DUOX2: variants seen among roughly 807,000 people sequenced by gnomAD.
The protein encoded by DUOX2 is NADH/NADPH thyroid oxidase p138-tox.
In DUOX2, 185 loss-of-function variants were observed where a neutral mutation model predicts 183.3. That is an observed-to-expected ratio of 1.01 (90% CI 0.90 to 1.14). DUOX2 has a LOEUF of 1.14. Ranked by LOEUF, DUOX2 falls within the 50% of genes most tolerant of loss-of-function variation. DUOX2 has a pLI of 0.00. For missense variants in DUOX2, 1,999 were observed against 2,022.9 expected, an observed-to-expected ratio of 0.99 and a Z score of 0.23; for synonymous variants, 788 against 812.4, an observed-to-expected ratio of 0.97 and a Z score of 0.51.
intron 29 of DUOX2, 124 bp downstream of exon 29, chr15:45,097,114 T>G: frequency 6.9e-7 from 1 of 1,456,748 alleles, no homozygotes; most frequent in East Asian, 2.3e-5. Context: ...GGTTTTTTGT[T>G]GTTGTTGTTT....
chr15:45,101,809 T>A lies in DUOX2; in HGVS notation c.2835A>T (p.Gly945=). The A allele has an allele frequency of 6.2e-7, 1 of 1,614,082 alleles. No homozygotes were observed. The highest frequency in any genetic ancestry group is 8.5e-7 in the Non-Finnish European group (1 of 1,180,004). ...CACACTCACCATTTCCACCTCCACC[T>A]CCACCTTTGACACAGAGCTGCGTGA... ...LRFTQLCVKG[G]GGGGNGIRDI... The change falls in exon 21 of 34, where the codon GGA becomes GGT. Residue 945 remains glycine, a synonymous_variant. Coordinates refer to ENST00000389039, the MANE Select transcript of DUOX2 (RefSeq NM_001363711.2).
chr15:45,111,919 G>T lies in DUOX2; in HGVS notation c.362C>A (p.Thr121Lys), dbSNP rs1430809770. 6.2e-7 allele frequency: 1 copy of T among 1,613,762 alleles called. No individual in the cohort carries two copies. The highest frequency in any genetic ancestry group is 2.2e-5 in the East Asian group (1 of 44,878). The change falls in exon 5 of 34, where the codon ACG (threonine) becomes AAG (lysine). Residue 121 changes from threonine to lysine, a missense_variant. Around this residue, in one of 3 missense-constraint regions of DUOX2, gnomAD observed 356 missense variants for 356.4 expected, o/e 1.00. Coordinates refer to ENST00000389039, the MANE Select transcript of DUOX2 (RefSeq NM_001363711.2). ...HVLSDVVSVE[T>K]PGCPAEFLNI... The stretch of plus-strand genomic sequence containing the variant: ...GAGGAACTCGGCGGGGCAACCGGGC[G>T]TTTCCACGCTCACCACGTCGGAAAG...
chr15:45,110,108 G>A (rs1178445504), intron 9 of DUOX2, 128 bp from the exon 10 acceptor site: 32 of 876,526 alleles, frequency 3.7e-5, no homozygotes, highest in Non-Finnish European at 5.9e-5. Flanking sequence ...CCTTGAACAC[G>A]GCAGAGATTT....
At chr15:45,112,781 T>A in intron 3 of DUOX2, 63 bp from the exon 4 acceptor site, 1 of 1,603,092 alleles carries the variant, frequency 6.2e-7, no homozygotes, top group South Asian at 1.1e-5. Context: ...CCCAAACCTC[T>A]CCCTAAGCCT....
Position 45,097,448 on chromosome 15 carries a change from C to T in DUOX2, c.3694-57G>A, listed in dbSNP as rs1893935642. ...CCCAGCCAGGCCCCTGCCCGGCATC[C>T]CCTCTTGCCCAGGCACTAGGCCTGT... On this transcript the variant is annotated intron_variant, in intron 28 of 33. Coordinates refer to ENST00000389039, the MANE Select transcript of DUOX2 (RefSeq NM_001363711.2). 1.9e-6 allele frequency: 3 copies of T among 1,613,704 alleles called. No homozygotes were observed. The South Asian group carries it at 3.3e-5, about 18-fold the overall frequency.
In DUOX2 at chr15:45,094,269, G is replaced by C; in HGVS notation, c.4528C>G (p.Arg1510Gly). The C allele has an allele frequency of 1.2e-6, 2 of 1,614,128 alleles. No individual in the cohort carries two copies. The highest frequency in any genetic ancestry group is 1.7e-6 in the Non-Finnish European group (2 of 1,180,024). Residue 1510 changes from arginine to glycine, a missense_variant, in exon 34 of 34, where the codon CGC becomes GGC. Around this residue, in one of 3 missense-constraint regions of DUOX2, gnomAD observed 1,628 missense variants for 1,608.6 expected, o/e 1.01. Coordinates refer to ENST00000389039, the MANE Select transcript of DUOX2 (RefSeq NM_001363711.2). ...NSLQEVHPQV[R>G]KIGVFSCGPP... ...CCGCAGCTGAACACCCCGATCTTGC[G>C]CACCTGTCAGGAGATTGGAGAGAGA...
chr15:45,099,183 T>C, intron 26 of DUOX2, 200 bp downstream of exon 26: 1 of 466,470 alleles, frequency 2.1e-6, no homozygotes, highest in East Asian at 4.3e-5. Flanking sequence ...GCTAATTTTT[T>C]GTATTTTTAG....
rs1205262474 is a variant in DUOX2, at chr15:45,111,422, T to G, written c.677A>C (p.Asp226Ala). ...GGGCCCGTTCTGCCCGGTGGCGGGG[T>G]CGGGCGCCGCCCACATGAGCAGGGG... ...QNPLLMWAAP[D>A]PATGQNGPRG... The change falls in exon 6 of 34, where the codon GAC (aspartate) becomes GCC (alanine). Residue 226 changes from aspartate to alanine, a missense_variant. Coordinates refer to ENST00000389039, the MANE Select transcript of DUOX2 (RefSeq NM_001363711.2). 2.0e-6 allele frequency: 3 copies of G among 1,501,466 alleles called. No homozygotes were observed. In the African/African-American group the frequency reaches 4.3e-5, roughly 21 times the overall value. The allele number at this position is 1,501,466 out of a possible 1,614,324, so 93.0% of individuals were successfully genotyped here. A position where few individuals can be genotyped will look rare whatever the true frequency, so the allele number is the denominator to read the frequency against.
At chr15:45,102,558 G>C (rs1381570159) in intron 20 of DUOX2, among the ~76,000 whole-genome samples, 1 of 152,200 alleles carries the variant, frequency 6.6e-6, no homozygotes, top group African/African-American at 2.4e-5. Context: ...GACAGACTAT[G>C]CAAGTTTGTG....
At position 45,096,057 on chromosome 15, in the gene DUOX2, AC is replaced by A; in HGVS notation, c.3850del (p.Val1284Ter). ...VVKAELLPSG[V>X]TYLQFQRPQG... ...GGGCCTCTGGAATTGCAGGTAGGTC[AC>A]TCCTGGAGGTCATAGACAGGGAAAA... is the stretch of plus-strand genomic sequence containing the variant. On this transcript the variant is annotated frameshift_variant and splice_region_variant, in exon 30 of 34. Transcript: ENST00000389039. LOFTEE classifies it high-confidence loss of function. 6.2e-7 allele frequency: 1 copy of A among 1,613,074 alleles called. No individual in the cohort carries two copies. The highest frequency in any genetic ancestry group is 8.5e-7 in the Non-Finnish European group (1 of 1,179,468).
At chr15:45,101,319 A>G in intron 21 of DUOX2, 45 bp from the exon 22 acceptor site, 10 of 1,540,556 alleles carry the variant, frequency 6.5e-6, no homozygotes, top group Non-Finnish European at 8.1e-6. Flanking sequence ...CCACAAGGGC[A>G]GTGGGGTAGG....
In DUOX2 at chr15:45,095,603, G is replaced by A. The variant is rs757616625; in HGVS notation, c.4081-8C>T. ...CGGTCCATCAAGGTACAGCTGCCAA[G>A]AGAGGGGGGAGATGAAATGAGCCTG... On this transcript the variant is annotated splice_region_variant and splice_polypyrimidine_tract_variant and intron_variant, in intron 30 of 33. Transcript: ENST00000389039. The A allele has an allele frequency of 1.7e-5, 28 of 1,614,102 alleles. No homozygotes were observed. Among genetic ancestry groups the A allele is most frequent in the Non-Finnish European group, 2.3e-5 (27 of 1,180,040 alleles).
At chr15:45,097,476 C>A (rs566008009) in intron 28 of DUOX2, 85 bp from the exon 29 acceptor site, 3 of 1,612,672 alleles carry the variant, frequency 1.9e-6, no homozygotes, top group East Asian at 2.2e-5. Flanking sequence ...AGGCCTGTGC[C>A]GGGGAGATAG....
In DUOX2 at chr15:45,093,298, A is replaced by T. The variant is rs4775744; in HGVS notation, c.*852T>A. On this transcript the variant is annotated 3_prime_UTR_variant, in exon 34 of 34. Coordinates refer to ENST00000389039, the MANE Select transcript of DUOX2 (RefSeq NM_001363711.2). ...TGGAAGAGGGGAATTGAGATCGAGT[A>T]CTGAATATCTGGCAGAGAGGCTGGA... 34,009 of 152,118 alleles carry T rather than the reference A, an allele frequency of 0.22. 7,464 individuals carry two copies. Among genetic ancestry groups the T allele is most frequent in the African/African-American group, 0.57 (23,722 of 41,404 alleles). 9.4% of individuals were successfully genotyped at this position (152,118 alleles called of 1,614,324 possible). A position where few individuals can be genotyped will look rare whatever the true frequency, so the allele number is the denominator to read the frequency against.
At chr15:45,108,280 G>C in intron 12 of DUOX2, 58 bp from the exon 13 acceptor site, 1 of 1,597,298 alleles carries the variant, frequency 6.3e-7, no homozygotes, top group Non-Finnish European at 8.6e-7. Flanking sequence ...GGCAGCCACT[G>C]TTGCCCCATC....
intron 17 of DUOX2, 129 bp from the exon 18 acceptor site, chr15:45,105,957 T>C: frequency 1.4e-6 from 2 of 1,407,380 alleles, no homozygotes; most frequent in South Asian, 2.5e-5. Context: ...TGGGGCCAGG[T>C]GTGTGGACGA....
intron 32 of DUOX2, 69 bp downstream of exon 32, chr15:45,094,867 G>C: frequency 6.2e-7 from 1 of 1,606,458 alleles, no homozygotes; most frequent in Non-Finnish European, 8.5e-7. Flanking sequence ...CACCTGCCCT[G>C]GCCATCCTGC....
rs1893822096 is a variant in DUOX2 at position 45,093,832 on chromosome 15, C to T, written c.*318G>A. ...GGCTTGAGCTGGGGTGAGGAGTGGTCTTTATCTTCTTTGGGAGATCCTGAC... is the reference window on the plus strand; with the variant it reads ...GGCTTGAGCTGGGGTGAGGAGTGGTTTTTATCTTCTTTGGGAGATCCTGAC... On this transcript the variant is annotated 3_prime_UTR_variant, in exon 34 of 34. Transcript: ENST00000389039. The T allele has an allele frequency of 2.7e-6, 1 of 377,322 alleles. No individual in the cohort carries two copies. The highest frequency in any genetic ancestry group is 5.1e-6 in the Non-Finnish European group (1 of 197,590). 23.4% of individuals were successfully genotyped at this position (377,322 alleles called of 1,614,324 possible).
chr15:45,107,807 C>T (rs1392514961), intron 13 of DUOX2, among the ~76,000 whole-genome samples: 8 of 137,872 alleles, frequency 5.8e-5, no homozygotes, highest in Admixed American at 3.2e-4. Flanking sequence ...GCCAAGATCA[C>T]GCCACTGCAC....
Sources: gnomAD v4.1 joint callset for allele counts (sites outside exome capture counted in the v4.1 genomes callset) on GRCh38, gnomAD v4.1.1 for gene constraint, gnomAD v4.1.1 regional missense constraint, MANE v1.5 for transcripts, NCBI Gene and HGNC (gene_info 2026-07-23, HGNC 2026-07-21) for gene names.